Variants in ZNF385D observed in about 807,000 individuals in gnomAD.
ZNF385D encodes zinc finger protein 385D.
ZNF385D carries 15 observed loss-of-function variants against 35.8 expected under a neutral mutation model. The observed-to-expected ratio is 0.42, with a 90% CI of 0.28 to 0.64. ZNF385D has a LOEUF of 0.64. Among genes scored for constraint, ZNF385D ranks in the 30% least tolerant of loss-of-function variants. The pLI is 0.23. For synonymous variants in ZNF385D, 212 were observed against 186.8 expected (o/e 1.13, Z -1.10); for missense variants, 474 against 494.6 (o/e 0.96, Z 0.39).
intron 5 of ZNF385D, among the ~76,000 whole-genome samples, chr3:21,427,375 C>T (rs1575124853): frequency 6.6e-6 from 1 of 152,176 alleles, no homozygotes; most frequent in East Asian, 1.9e-4. Context: ...TGGAGATTGA[C>T]TCTCATCCTG....
At chr3:21,567,998 A>G (rs2063208247) in intron 2 of ZNF385D, among the ~76,000 whole-genome samples, 1 of 152,188 alleles carries the variant, frequency 6.6e-6, no homozygotes, top group African/African-American at 2.4e-5. Flanking sequence ...CTATAAAATC[A>G]GATTTCAAAA....
chr3:22,147,598 T>C (rs1704943293), intron 3 of ZNF385D, among the ~76,000 whole-genome samples: 1 of 152,174 alleles, frequency 6.6e-6, no homozygotes, highest in South Asian at 2.1e-4. Flanking sequence ...TTACTATGTA[T>C]GGGATCTCAC....
At position 22,283,422 on chromosome 3, in the gene ZNF385D, T is replaced by C. The variant is rs865784608; in HGVS notation, c.106+89028A>G. Among the ~76,000 whole-genome samples the C allele has an allele frequency of 3.9e-5, 6 of 152,304 alleles. No homozygotes were observed. In the South Asian group the frequency reaches 1.2e-3, roughly 32 times the overall value. ...TTTGATTCAATTTTTCCTTCTTAAA[T>C]AGGAGCACAGCACAAATCTTCAAGT... is the stretch of plus-strand genomic sequence containing the variant. On this transcript the variant is annotated intron_variant, in intron 2 of 5. Transcript: ENST00000494108.
chr3:22,015,188 T>G (rs993328250), intron 3 of ZNF385D, among the ~76,000 whole-genome samples: 84 of 152,158 alleles, frequency 5.5e-4, no homozygotes, highest in African/African-American at 2.0e-3. Context: ...CAAACCAGCT[T>G]ACTGTCAAGC....
intron 3 of ZNF385D, among the ~76,000 whole-genome samples, chr3:22,089,162 T>C (rs1034159511): frequency 6.6e-6 from 1 of 152,174 alleles, no homozygotes; most frequent in Non-Finnish European, 1.5e-5. Flanking sequence ...AGAGAAGGCA[T>C]GGCAGATATG....
intron 2 of ZNF385D, among the ~76,000 whole-genome samples, chr3:21,621,351 C>T (rs1278128186): frequency 6.6e-6 from 1 of 152,044 alleles, no homozygotes; most frequent in Non-Finnish European, 1.5e-5. Flanking sequence ...CTATCAGTTA[C>T]TAATTAACAT....
chr3:22,157,317 T>C (rs1006031333), intron 3 of ZNF385D, among the ~76,000 whole-genome samples: 6 of 152,170 alleles, frequency 3.9e-5, no homozygotes, highest in African/African-American at 1.2e-4. Context: ...TCTAGAACAA[T>C]GTAAATGCAT....
At chr3:22,157,952 C>A (rs977418517) in intron 3 of ZNF385D, among the ~76,000 whole-genome samples, 1 of 152,066 alleles carries the variant, frequency 6.6e-6, no homozygotes, top group Non-Finnish European at 1.5e-5. Context: ...TACAAAAGTT[C>A]CCTGGGAATA....
At chr3:21,568,313 A>C (rs17009052) in intron 2 of ZNF385D, among the ~76,000 whole-genome samples, 4,493 of 152,296 alleles carry the variant, frequency 0.03, 87 homozygotes, top group Non-Finnish European at 0.043. Flanking sequence ...CGTATAACTA[A>C]AAGTAGCCTC....
At position 22,150,683 on chromosome 3, in the gene ZNF385D, C is replaced by G. The variant is rs181885554; in HGVS notation, c.325+18134G>C. Among the ~76,000 whole-genome samples the G allele has an allele frequency of 5.3e-5, 8 of 152,256 alleles. No homozygotes were observed. In the East Asian group the frequency reaches 1.4e-3, roughly 26 times the overall value. On this transcript the variant is annotated intron_variant, in intron 3 of 5. Transcript: ENST00000494108. The stretch of plus-strand genomic sequence containing the variant: ...ATAGTAGTTAAGATATCTTATCTAG[C>G]TTGTCATCAACTCATATATGTCTTA...
intron 3 of ZNF385D, among the ~76,000 whole-genome samples, chr3:21,913,121 G>A (rs1700042245): frequency 1.3e-5 from 2 of 152,062 alleles, no homozygotes; most frequent in South Asian, 2.1e-4. Context: ...GGCTGGAGAT[G>A]GAATGTTCCT....
At chr3:21,620,458 C>T (rs771806952) in intron 2 of ZNF385D, among the ~76,000 whole-genome samples, 11 of 152,218 alleles carry the variant, frequency 7.2e-5, no homozygotes, top group Non-Finnish European at 1.5e-4. Context: ...TAGCAGGAAG[C>T]TTTATGTGAA....
chr3:22,161,870 G>T (rs1384045359), intron 3 of ZNF385D, among the ~76,000 whole-genome samples: 2 of 152,150 alleles, frequency 1.3e-5, no homozygotes, highest in African/African-American at 4.8e-5. Context: ...GTTGACAGTA[G>T]AATATAAGTT....
intron 2 of ZNF385D, among the ~76,000 whole-genome samples, chr3:21,630,981 G>A (rs575684222): frequency 1.3e-4 from 20 of 152,066 alleles, no homozygotes; most frequent in Non-Finnish European, 2.2e-4. Context: ...ATCGAGTTTC[G>A]TAGTTTCGTA....
At chr3:21,468,429 A>C (rs937550253) in intron 4 of ZNF385D, among the ~76,000 whole-genome samples, 13 of 149,226 alleles carry the variant, frequency 8.7e-5, no homozygotes, top group African/African-American at 3.0e-4. Context: ...AAAAAAGTAT[A>C]TGCAGACATT....
chr3:21,661,955 A>G (rs1222430820), intron 2 of ZNF385D, among the ~76,000 whole-genome samples: 1 of 152,192 alleles, frequency 6.6e-6, no homozygotes, highest in Non-Finnish European at 1.5e-5. Context: ...TTTTATAAGT[A>G]TACATTTTAA....
intron 3 of ZNF385D, among the ~76,000 whole-genome samples, chr3:22,030,291 A>ATATATATGTATG (rs1221765644): frequency 1.8e-5 from 2 of 113,634 alleles, no homozygotes; most frequent in East Asian, 4.8e-4. Flanking sequence ...ATATATATAT[A>ATATATATGTATG]TATATATATA....
At chr3:21,560,237 C>T (rs1469815171) in intron 3 of ZNF385D, among the ~76,000 whole-genome samples, 2 of 152,194 alleles carry the variant, frequency 1.3e-5, no homozygotes, top group South Asian at 2.1e-4. Context: ...GGAGAAGAGG[C>T]GTTCTGGTTT....
At chr3:22,253,809 T>C (rs1315219288) in intron 2 of ZNF385D, among the ~76,000 whole-genome samples, 1 of 149,050 alleles carries the variant, frequency 6.7e-6, no homozygotes, top group Non-Finnish European at 1.5e-5. Context: ...TAGCCAAACA[T>C]TGCTATAACA....
Sources: gnomAD v4.1 joint callset for allele counts (sites outside exome capture counted in the v4.1 genomes callset) on GRCh38, gnomAD v4.1.1 for gene constraint, MANE v1.5 for transcripts, NCBI Gene and HGNC (gene_info 2026-07-23, HGNC 2026-07-21) for gene names.